ARSD: variants seen among roughly 807,000 people sequenced by gnomAD.
The protein encoded by ARSD is arylsulfatase D.
A neutral mutation model predicts 32.6 loss-of-function variants in ARSD; 21 were observed. The ratio of observed to expected loss-of-function variants is 0.64; its 90% CI spans 0.46 to 0.93. The LOEUF (loss-of-function observed/expected upper bound fraction) is 0.93. Ranked by LOEUF, ARSD falls within the 40% of genes least tolerant of loss-of-function variation. ARSD has a pLI of 0.00. For synonymous variants in ARSD, 224 were observed against 237.4 expected (o/e 0.94, Z 0.52); for missense variants, 454 against 520.9 (o/e 0.87, Z 1.25).
intron 4 of ARSD, 69 bp downstream of exon 4, chrX:2,920,532 G>C: frequency 8.3e-7 from 1 of 1,201,739 alleles, no homozygotes; most frequent in Non-Finnish European, 1.1e-6. Context: ...CACCACGCCT[G>C]GCCTGGGATC....
At position 2,904,542 on chromosome X, in the gene ARSD, A is replaced by G. The variant is rs1399824085; in HGVS notation, c.*2729T>C. 1 of 112,978 alleles carries G rather than the reference A, an allele frequency of 8.9e-6. No homozygotes were observed. The highest frequency in any genetic ancestry group is 1.8e-5 in the Non-Finnish European group (1 of 54,231). The allele number at this position is 112,978 out of a possible 1,213,427, so 9.3% of individuals were successfully genotyped here. A position where few individuals can be genotyped will look rare whatever the true frequency, so the allele number is the denominator to read the frequency against. On this transcript the variant is annotated 3_prime_UTR_variant, in exon 10 of 10. Coordinates refer to ENST00000381154, the MANE Select transcript of ARSD (RefSeq NM_001669.4). ...TCTCTTCTTCAGGTGGAGACTAACCAACTCCCTGACCTCCTTCGGTTAAGT... is the reference window on the plus strand; with the variant it reads ...TCTCTTCTTCAGGTGGAGACTAACCGACTCCCTGACCTCCTTCGGTTAAGT...
Position 2,929,233 on chromosome X carries a change from TG to T in ARSD, c.42del (p.Arg15GlyfsTer14), listed in dbSNP as rs1220210716. The T allele has an allele frequency of 1.9e-6, 2 of 1,035,901 alleles. No homozygotes were observed. Among genetic ancestry groups the T allele is most frequent in the Admixed American group, 9.2e-5 (2 of 21,807 alleles). The allele number at this position is 1,035,901 out of a possible 1,213,427, so 85.4% of individuals were successfully genotyped here. On this transcript the variant is annotated frameshift_variant and splice_region_variant, in exon 1 of 10. Transcript: ENST00000381154. LOFTEE classifies it high-confidence loss of function. Reference sequence around the variant, plus strand: ...GCCGCGTCCCGGGGTCCCAGGCACCTGGCGGCGGGCGCGGCGCGTCCCCTCC... The same window carrying T: ...GCCGCGTCCCGGGGTCCCAGGCACCTGCGGCGGGCGCGGCGCGTCCCCTCC... ...AARRGRAAPA[A>X]RDSLPVLLFL...
chrX:2,918,632 C>T (rs1379736859), intron 4 of ARSD, among the ~76,000 whole-genome samples: 1 of 110,891 alleles, frequency 9.0e-6, no homozygotes, highest in Non-Finnish European at 1.9e-5. Flanking sequence ...CCCAGCTACT[C>T]GGGAGGCTGA....
At chrX:2,921,601 T>G (rs1343748220) in intron 3 of ARSD, among the ~76,000 whole-genome samples, 1 of 112,237 alleles carries the variant, frequency 8.9e-6, no homozygotes. Context: ...GATTCTCAAC[T>G]TGGGGAAACT....
chrX:2,915,448 C>G (rs765638722), intron 6 of ARSD, 108 bp downstream of exon 6: 1 of 1,112,291 alleles, frequency 9.0e-7, no homozygotes, highest in South Asian at 2.0e-5. Context: ...AGCCACCGCC[C>G]TTATTCTTTA....
At chrX:2,924,714 C>T (rs2089065234) in intron 2 of ARSD, among the ~76,000 whole-genome samples, 2 of 112,109 alleles carry the variant, frequency 1.8e-5, no homozygotes, top group Non-Finnish European at 3.8e-5. Flanking sequence ...TTAGGTATCC[C>T]GAGATGAGAT....
chrX:2,917,858 A>G lies in ARSD; in HGVS notation c.809T>C (p.Val270Ala). Residue 270 changes from valine to alanine, a missense_variant, in exon 5 of 10, where the codon GTT becomes GCT. Val to Ala is a moderately conservative substitution (Grantham distance 64, BLOSUM62 0). This residue lies in a region of ARSD where 271 missense variants were observed against 301.0 expected (regional missense o/e 0.90). Coordinates refer to ENST00000381154, the MANE Select transcript of ARSD (RefSeq NM_001669.4). ...RNHDVTEQPM[V>A]LEKTASLMLK... Reference sequence around the variant, plus strand: ...CATAAGACTCGCTGTTTTCTCCAGAACCATGGGTTGCTCCGTGACGTCATG... The same window carrying G: ...CATAAGACTCGCTGTTTTCTCCAGAGCCATGGGTTGCTCCGTGACGTCATG... The G allele has an allele frequency of 8.3e-7, 1 of 1,211,635 alleles. No homozygotes were observed.
chrX:2,929,269 A>G lies in ARSD; in HGVS notation c.7T>C (p.Ser3Pro). 3 of 1,018,441 alleles carry G rather than the reference A, an allele frequency of 2.9e-6. No individual in the cohort carries two copies. Among genetic ancestry groups the G allele is most frequent in the Non-Finnish European group, 3.7e-6 (3 of 807,147 alleles). 83.9% of individuals were successfully genotyped at this position (1,018,441 alleles called of 1,213,427 possible). The change falls in exon 1 of 10, where the codon TCC (serine) becomes CCC (proline). Residue 3 changes from serine (S) to proline (P), a missense_variant. Around this residue, in one of 3 missense-constraint regions of ARSD, gnomAD observed 271 missense variants for 301.0 expected, o/e 0.90. Transcript: ENST00000381154. Reference sequence around the variant, plus strand: ...GCGGCGCGTCCCCTCCGCGCGGCGGATCGCATGGCCGAGCGCTGGCCCAGA... The same window carrying G: ...GCGGCGCGTCCCCTCCGCGCGGCGGGTCGCATGGCCGAGCGCTGGCCCAGA... MR[S>P]AARRGRAAPA...
In ARSD at chrX:2,907,541, G is replaced by A. The variant is rs755206932; in HGVS notation, c.1512C>T (p.Ser504=). The change falls in exon 10 of 10, where the codon TCC becomes TCT. Residue 504 remains serine, a synonymous_variant. Transcript: ENST00000381154. ...GTCTGTGATGGGTCACGCCCTCCCC[G>A]GAGCATGGGCAGACGCCTCGGCCGT... ...ACYGRGVCPC[S]GEGVTHHRPP... 7.6e-6 allele frequency: 9 copies of A among 1,178,676 alleles called. No homozygotes were observed. The highest frequency in any genetic ancestry group is 3.1e-5 in the East Asian group (1 of 32,761).
At position 2,910,844 on chromosome X, in the gene ARSD, C is replaced by G; in HGVS notation, c.1001-51G>C. 2.6e-6 allele frequency: 3 copies of G among 1,172,104 alleles called. No homozygotes were observed. The Admixed American group carries it at 6.9e-5, about 27-fold the overall frequency. On this transcript the variant is annotated intron_variant, in intron 6 of 9. Transcript: ENST00000381154. ...GACCAAGAAAACAAAGCAGCATCCA[C>G]TAGTTCAATGCGCTTCTTCCTTTCT...
At chrX:2,911,582 A>G (rs1410790059) in intron 6 of ARSD, among the ~76,000 whole-genome samples, 1 of 103,825 alleles carries the variant, frequency 9.6e-6, no homozygotes, top group Non-Finnish European at 2.0e-5. Flanking sequence ...AGGCAGGAGA[A>G]TGGTGTGAAC....
chrX:2,929,240 G>A lies in ARSD; in HGVS notation c.36C>T (p.Pro12=), dbSNP rs1219556768. The A allele has an allele frequency of 1.9e-6, 2 of 1,038,008 alleles. No individual in the cohort carries two copies. The highest frequency in any genetic ancestry group is 2.5e-6 in the Non-Finnish European group (2 of 816,157). 85.5% of individuals were successfully genotyped at this position (1,038,008 alleles called of 1,213,427 possible). A position where few individuals can be genotyped will look rare whatever the true frequency, so the allele number is the denominator to read the frequency against. ...RSAARRGRAA[P]AARDSLPVLL... ...CCCGGGGTCCCAGGCACCTGGCGGC[G>A]GGCGCGGCGCGTCCCCTCCGCGCGG... The change falls in exon 1 of 10, where the codon CCC becomes CCT. Residue 12 remains proline (P), a synonymous_variant. Coordinates refer to ENST00000381154, the MANE Select transcript of ARSD (RefSeq NM_001669.4).
chrX:2,922,072 G>A, intron 2 of ARSD, 48 bp from the exon 3 acceptor site: 1 of 1,156,146 alleles, frequency 8.6e-7, no homozygotes, highest in African/African-American at 1.8e-5. Flanking sequence ...ACATGCATTT[G>A]GCTTAAGCAG....
chrX:2,925,570 G>T, intron 2 of ARSD, 46 bp downstream of exon 2: 5 of 1,175,523 alleles, frequency 4.3e-6, no homozygotes, highest in Non-Finnish European at 4.6e-6. Context: ...GCACCATTCC[G>T]TCAAACTCAC....
intron 2 of ARSD, among the ~76,000 whole-genome samples, chrX:2,924,171 T>C (rs2089058645): frequency 8.9e-6 from 1 of 112,902 alleles, no homozygotes; most frequent in Non-Finnish European, 1.9e-5. Flanking sequence ...TAGCTGGGAC[T>C]ACAGGCATGC....
In ARSD at chrX:2,904,839, C is replaced by T. The variant is rs113491701; in HGVS notation, c.*2432G>A. 1.6e-3 allele frequency: 352 copies of T among 213,998 alleles called. No individual in the cohort carries two copies. Among genetic ancestry groups the T allele is most frequent in the African/African-American group, 4.5e-3 (145 of 32,558 alleles). The allele number at this position is 213,998 out of a possible 1,213,427, so 17.6% of individuals were successfully genotyped here. On this transcript the variant is annotated 3_prime_UTR_variant, in exon 10 of 10. Coordinates refer to ENST00000381154, the MANE Select transcript of ARSD (RefSeq NM_001669.4). ...CTTGTTATAATGGGCTTGTTGAATA[C>T]GGTGAAAGATGAGATGGCTTTTAGC...
intron 1 of ARSD, 88 bp downstream of exon 1, chrX:2,929,144 C>A: frequency 1.1e-6 from 1 of 893,597 alleles, no homozygotes; most frequent in Non-Finnish European, 1.4e-6. Flanking sequence ...CCAGGCTCGC[C>A]CGGGGCGCCC....
intron 5 of ARSD, 89 bp downstream of exon 5, chrX:2,917,715 C>G (rs1176646838): frequency 1.6e-5 from 15 of 961,659 alleles, no homozygotes; most frequent in Non-Finnish European, 2.0e-5. Flanking sequence ...AAAAGATCCT[C>G]CCATCTTGGC....
At chrX:2,926,982 G>A (rs1264020188) in intron 1 of ARSD, among the ~76,000 whole-genome samples, 4 of 106,711 alleles carry the variant, frequency 3.7e-5, no homozygotes, top group Non-Finnish European at 7.7e-5. Flanking sequence ...GGGAGGACGC[G>A]AACGAGGGGT....
Sources: allele counts gnomAD v4.1 joint callset (sites outside exome capture counted in the v4.1 genomes callset), GRCh38; gene constraint gnomAD v4.1.1; regional missense constraint gnomAD v4.1.1; transcripts MANE v1.5; gene names NCBI Gene and HGNC (gene_info 2026-07-23, HGNC 2026-07-21).